SLC1A5: variants seen among roughly 807,000 people sequenced by gnomAD.
The protein encoded by SLC1A5 is solute carrier family 1 member 5.
A neutral mutation model predicts 34.9 loss-of-function variants in SLC1A5; 25 were observed. That is an observed-to-expected ratio of 0.72 (90% CI 0.52 to 1.00). The LOEUF is 1.00. Ranked by LOEUF, SLC1A5 falls within the 50% of genes least tolerant of loss-of-function variation. The probability of loss-of-function intolerance (pLI) is 0.00; values close to 1 mark genes in which losing one functional copy is unlikely to be tolerated. For synonymous variants in SLC1A5, 351 were observed against 341.2 expected (o/e 1.03, Z -0.32); for missense variants, 637 against 740.0 (o/e 0.86, Z 1.61).
chr19:46,782,338 A>ACCCCCCCACCCCCACC, intron 4 of SLC1A5, 45 bp downstream of exon 4: 1 of 1,009,384 alleles, frequency 9.9e-7, no homozygotes, highest in South Asian at 1.4e-5. Context: ...CAGCAGACCG[A>ACCCCCCCACCCCCACC]CCCTCCAACC....
chr19:46,775,713 C>A lies in SLC1A5; in HGVS notation c.1423G>T (p.Asp475Tyr). The A allele has an allele frequency of 6.2e-7, 1 of 1,614,012 alleles. No homozygotes were observed. Among genetic ancestry groups the A allele is most frequent in the South Asian group, 1.1e-5 (1 of 91,056 alleles). Residue 475 changes from aspartate (D) to tyrosine (Y), a missense_variant, in exon 8 of 8, where the codon GAC becomes TAC. Coordinates refer to ENST00000542575, the MANE Select transcript of SLC1A5 (RefSeq NM_005628.3). ...RSCTVLNVEG[D>Y]ALGAGLLQNY... ...TGGAGGAGTCCTGCCCCCAGAGCGT[C>A]ACCTTCTACATTGAGGACGGTACAG...
At position 46,784,103 on chromosome 19, in the gene SLC1A5, C is replaced by T; in HGVS notation, c.651G>A (p.Arg217=). ...TYEERNITGT[R]VKVPVGQEVE... ...TGCCTCCCACTGCTCTCACCTTCAC[C>T]CTGGTTCCGGTGATATTCCTCTCTT... Residue 217 remains arginine, a synonymous_variant, in exon 3 of 8, where the codon AGG becomes AGA. Transcript: ENST00000542575. 6.2e-7 allele frequency: 1 copy of T among 1,613,340 alleles called. No individual in the cohort carries two copies. The highest frequency in any genetic ancestry group is 1.3e-5 in the African/African-American group (1 of 74,994).
Position 46,777,323 on chromosome 19 carries a change from T to G in SLC1A5, c.1141A>C (p.Ile381Leu). Reference sequence around the variant, plus strand: ...CCGTCCATGTTGACGGTGGCGCCGATGGGCAGGATGAAACGGCTGATGTGC... The same window carrying G: ...CCGTCCATGTTGACGGTGGCGCCGAGGGGCAGGATGAAACGGCTGATGTGC... The part of the protein sequence containing the change: ...AKHISRFILP[I>L]GATVNMDGAA... Residue 381 changes from isoleucine to leucine, a missense_variant, in exon 6 of 8, where the codon ATC becomes CTC. Coordinates refer to ENST00000542575, the MANE Select transcript of SLC1A5 (RefSeq NM_005628.3). 6.2e-7 allele frequency: 1 copy of G among 1,613,800 alleles called. No homozygotes were observed.
At chr19:46,783,784 G>A (rs997439109) in intron 3 of SLC1A5, among the ~76,000 whole-genome samples, 2 of 152,052 alleles carry the variant, frequency 1.3e-5, no homozygotes, top group Admixed American at 1.3e-4. Context: ...GAGATCCTGT[G>A]TCAGAAAAAC....
intron 4 of SLC1A5, among the ~76,000 whole-genome samples, chr19:46,779,877 G>T (rs1042198780): frequency 2.6e-5 from 4 of 150,986 alleles, no homozygotes; most frequent in Non-Finnish European, 5.9e-5. Flanking sequence ...TTTTGAGATG[G>T]AGTCTCACTC....
chr19:46,778,414 C>T lies in SLC1A5; in HGVS notation c.1058+261G>A, dbSNP rs57395126. 7.4e-3 allele frequency among the ~76,000 whole-genome samples: 1,130 copies of T among 152,066 alleles called. 97 individuals are homozygous for T. In the East Asian group the frequency reaches 0.18, roughly 25 times the overall value. ...CTACACTCCAGCCTGGGCAACAGAG[C>T]GAGACGCCATTGTTTAAAACAAAAG... On this transcript the variant is annotated intron_variant, in intron 5 of 7. Transcript: ENST00000542575.
At chr19:46,786,025 A>C (rs2055183452) in intron 1 of SLC1A5, among the ~76,000 whole-genome samples, 3 of 147,142 alleles carry the variant, frequency 2.0e-5, no homozygotes. Flanking sequence ...GCACCACTGC[A>C]CTCCAGCCTG....
intron 1 of SLC1A5, among the ~76,000 whole-genome samples, chr19:46,785,424 G>A (rs139901433): frequency 6.6e-6 from 1 of 152,308 alleles, no homozygotes. Flanking sequence ...CTACCGTGTG[G>A]CAGGCAGGCA....
chr19:46,775,977 A>G (rs567596035), intron 7 of SLC1A5, among the ~76,000 whole-genome samples: 1 of 151,758 alleles, frequency 6.6e-6, no homozygotes, highest in South Asian at 2.1e-4. Flanking sequence ...GCTACTCAGG[A>G]GGCTGGGGCA....
intron 1 of SLC1A5, among the ~76,000 whole-genome samples, chr19:46,785,199 G>A (rs912421844): frequency 6.6e-6 from 1 of 152,156 alleles, no homozygotes; most frequent in Non-Finnish European, 1.5e-5. Context: ...TGGGCAACAT[G>A]ACGAAACCGT....
At chr19:46,782,342 T>TCCCAACCCCCCCCCCCCCCCCCCCCC in intron 4 of SLC1A5, 41 bp downstream of exon 4, 1 of 523,370 alleles carries the variant, frequency 1.9e-6, no homozygotes, top group Non-Finnish European at 3.5e-6. Context: ...AGACCGACCC[T>TCCCAACCCCCCCCCCCCCCCCCCCCC]CCAACCCCAC....
chr19:46,785,579 G>T (rs2055180552), intron 1 of SLC1A5, among the ~76,000 whole-genome samples: 1 of 152,208 alleles, frequency 6.6e-6, no homozygotes, highest in Non-Finnish European at 1.5e-5. Context: ...GCAGAGCTGG[G>T]ATTTGAACCC....
intron 1 of SLC1A5, 177 bp from the exon 2 acceptor site, chr19:46,784,736 T>C (rs1264205616): frequency 6.1e-6 from 9 of 1,485,300 alleles, no homozygotes; most frequent in Non-Finnish European, 7.2e-6. Context: ...CTTGCACCCC[T>C]TTGCAGGACT....
At chr19:46,786,348 T>C (rs1460823915) in intron 1 of SLC1A5, among the ~76,000 whole-genome samples, 1 of 152,196 alleles carries the variant, frequency 6.6e-6, no homozygotes, top group Non-Finnish European at 1.5e-5. Context: ...TACAGCTGTT[T>C]TGGCACGCAG....
At position 46,778,860 on chromosome 19, in the gene SLC1A5, C is replaced by T. The variant is rs1422986014; in HGVS notation, c.873G>A (p.Glu291=). ...CAAAGAGTAAACCCACATCCTCCAT[C>T]TCCACGATCTTGCCAGCCACCAGGA... ...IMFLVAGKIV[E]MEDVGLLFAR... The change falls in exon 5 of 8, where the codon GAG becomes GAA. Residue 291 remains glutamate (E), a synonymous_variant. Transcript: ENST00000542575. The T allele has an allele frequency of 6.3e-7, 1 of 1,596,330 alleles. No individual in the cohort carries two copies.
chr19:46,786,779 T>C (rs1475273340), intron 1 of SLC1A5, among the ~76,000 whole-genome samples: 2 of 151,854 alleles, frequency 1.3e-5, no homozygotes, highest in Non-Finnish European at 2.9e-5. Context: ...TGCTAGGGGG[T>C]GGCCCAGACA....
chr19:46,782,764 G>C (rs1568429885), intron 3 of SLC1A5, among the ~76,000 whole-genome samples: 1 of 152,146 alleles, frequency 6.6e-6, no homozygotes, highest in African/African-American at 2.4e-5. Context: ...CCAGGGGAGT[G>C]TGGGAACCAA....
At chr19:46,782,342 T>TCCCCCCCCCCCCCCCCCCCCCCCCCC in intron 4 of SLC1A5, 41 bp downstream of exon 4, 1 of 523,372 alleles carries the variant, frequency 1.9e-6, no homozygotes, top group Non-Finnish European at 3.5e-6. Context: ...AGACCGACCC[T>TCCCCCCCCCCCCCCCCCCCCCCCCCC]CCAACCCCAC....
intron 1 of SLC1A5, among the ~76,000 whole-genome samples, chr19:46,785,570 C>G (rs1417608700): frequency 6.6e-6 from 1 of 152,196 alleles, no homozygotes; most frequent in East Asian, 1.9e-4. Context: ...TGGGAAATAG[C>G]AGAGCTGGGA....
Sources: allele counts gnomAD v4.1 joint callset (sites outside exome capture counted in the v4.1 genomes callset), GRCh38; gene constraint gnomAD v4.1.1; transcripts MANE v1.5; gene names NCBI Gene and HGNC (gene_info 2026-07-23, HGNC 2026-07-21).